EXOC4: variants seen among roughly 807,000 people sequenced by gnomAD.
EXOC4 encodes SEC8-like 1.
In EXOC4, 71 loss-of-function variants were observed where a neutral mutation model predicts 107.2. That is an observed-to-expected ratio of 0.66 (90% CI 0.55 to 0.81). The LOEUF (loss-of-function observed/expected upper bound fraction) is 0.81. Ranked by LOEUF, EXOC4 falls within the 30% of genes least tolerant of loss-of-function variation. The pLI is 0.00. For missense variants in EXOC4, 1,108 were observed against 1,189.6 expected, an observed-to-expected ratio of 0.93 and a Z score of 1.01; for synonymous variants, 456 against 441.2, an observed-to-expected ratio of 1.03 and a Z score of -0.42.
intron 11 of EXOC4, among the ~76,000 whole-genome samples, chr7:133,866,628 AATTT>A (rs1798646237): frequency 6.6e-6 from 1 of 152,154 alleles, no homozygotes; most frequent in African/African-American, 2.4e-5. Context: ...AGTACCTTTT[AATTT>A]ATTTATCTAC....
intron 3 of EXOC4, among the ~76,000 whole-genome samples, chr7:133,293,544 A>G (rs1794453380): frequency 6.6e-6 from 1 of 152,224 alleles, no homozygotes; most frequent in Non-Finnish European, 1.5e-5. Flanking sequence ...ATCCCTACTC[A>G]GAATAGATTA....
At chr7:134,027,690 C>CT (rs1317476526) in intron 17 of EXOC4, among the ~76,000 whole-genome samples, 1 of 148,734 alleles carries the variant, frequency 6.7e-6, no homozygotes, top group Non-Finnish European at 1.5e-5. Flanking sequence ...GCTGAGCTGA[C>CT]TTTGTAGTTC....
In EXOC4 at chr7:133,995,419, T is replaced by C. The variant is rs117209692; in HGVS notation, c.2207-2073T>C. On this transcript the variant is annotated intron_variant, in intron 14 of 17. Coordinates refer to ENST00000253861, the MANE Select transcript of EXOC4 (RefSeq NM_021807.4). ...CCATGCTACAGTCACTATCACCCAA[T>C]AGAGGAACTGAAGGGCTGAAAAGCC... 9.2e-3 allele frequency among the ~76,000 whole-genome samples: 1,394 copies of C among 152,276 alleles called. 6 individuals carry two copies. The highest frequency in any genetic ancestry group is 0.017 in the Middle Eastern group (5 of 294).
chr7:133,971,165 C>G (rs866886351), intron 14 of EXOC4, among the ~76,000 whole-genome samples: 87 of 151,600 alleles, frequency 5.7e-4, no homozygotes, highest in Middle Eastern at 6.8e-3. Context: ...AGAACCTTGG[C>G]AAATGGAGGA....
intron 9 of EXOC4, among the ~76,000 whole-genome samples, chr7:133,570,192 T>C (rs1285780591): frequency 6.6e-6 from 1 of 152,196 alleles, no homozygotes; most frequent in South Asian, 2.1e-4. Context: ...GATGACCTCA[T>C]GCATTTAGAG....
intron 14 of EXOC4, among the ~76,000 whole-genome samples, chr7:133,951,723 A>G (rs887959883): frequency 6.6e-6 from 1 of 152,230 alleles, no homozygotes; most frequent in South Asian, 2.1e-4. Flanking sequence ...CAAAATCCAC[A>G]TGGCTTGGGA....
chr7:133,771,556 T>G (rs970826910), intron 10 of EXOC4: 22 of 152,052 alleles, frequency 1.4e-4, no homozygotes, highest in African/African-American at 5.3e-4. Flanking sequence ...TTCTTTGTTC[T>G]AATTAATAGG....
rs758133653 is a variant in EXOC4 at position 133,817,475 on chromosome 7, T to G, written c.1665T>G (p.Ser555=). The G allele has an allele frequency of 1.9e-6, 3 of 1,614,192 alleles. No homozygotes were observed. In the South Asian group the frequency reaches 3.3e-5, roughly 18 times the overall value. The change falls in exon 11 of 18, where the codon TCT becomes TCG. Residue 555 remains serine (S), a synonymous_variant. Transcript: ENST00000253861. ...AGATTGAAGGAGTCACTAAAACATC[T>G]GACCCTTTGAAGATTCTGGCCAACG... ...NKEIEGVTKT[S]DPLKILANAD...
chr7:133,261,881 GT>G (rs1417928292), intron 1 of EXOC4, among the ~76,000 whole-genome samples: 1 of 152,026 alleles, frequency 6.6e-6, no homozygotes, highest in Non-Finnish European at 1.5e-5. Context: ...ATCCTTTCAG[GT>G]TGTTATTTTC....
chr7:133,322,017 C>A (rs1456450518), intron 5 of EXOC4, among the ~76,000 whole-genome samples: 2 of 152,168 alleles, frequency 1.3e-5, no homozygotes, highest in Admixed American at 1.3e-4. Context: ...TAAATGTCTT[C>A]TTTTGAGAAG....
downstream of EXOC4, among the ~76,000 whole-genome samples, chr7:134,068,340 T>C (rs2116658050): frequency 6.6e-6 from 1 of 152,276 alleles, no homozygotes; most frequent in African/African-American, 2.4e-5. Flanking sequence ...GGGTGAGTTT[T>C]TCCAGTGCTG....
chr7:133,706,289 A>G (rs540029249), intron 10 of EXOC4, among the ~76,000 whole-genome samples: 19 of 152,244 alleles, frequency 1.2e-4, no homozygotes, highest in Non-Finnish European at 2.2e-4. Context: ...AGTAATTTCC[A>G]GCATACTACT....
intron 10 of EXOC4, among the ~76,000 whole-genome samples, chr7:133,738,509 T>G (rs1370936298): frequency 6.6e-6 from 1 of 152,224 alleles, no homozygotes; most frequent in Non-Finnish European, 1.5e-5. Context: ...GATAACTTCT[T>G]ACTCTTTGAG....
At chr7:133,873,204 AG>A (rs1215310062) in intron 11 of EXOC4, among the ~76,000 whole-genome samples, 1 of 152,216 alleles carries the variant, frequency 6.6e-6, no homozygotes, top group African/African-American at 2.4e-5. Flanking sequence ...ACTCTGGCCT[AG>A]GTGGCAGAGT....
intron 10 of EXOC4, among the ~76,000 whole-genome samples, chr7:133,737,909 CTTTTTTTTT>C (rs10673346): frequency 2.2e-5 from 2 of 89,328 alleles, no homozygotes; most frequent in African/African-American, 4.3e-5. Context: ...ATTTTTCTTT[CTTTTTTTTT>C]TTTTTTTTTT....
intron 7 of EXOC4, among the ~76,000 whole-genome samples, chr7:133,376,977 A>G (rs868838339): frequency 8.5e-5 from 13 of 152,268 alleles, no homozygotes; most frequent in South Asian, 2.1e-4. Flanking sequence ...AATGTCTAGC[A>G]TAGAATTATT....
intron 7 of EXOC4, among the ~76,000 whole-genome samples, chr7:133,465,368 A>C (rs1228772825): frequency 6.6e-6 from 1 of 152,228 alleles, no homozygotes; most frequent in East Asian, 1.9e-4. Flanking sequence ...ATAACAAACT[A>C]TCAGAATACC....
intron 3 of EXOC4, among the ~76,000 whole-genome samples, chr7:133,296,193 A>G (rs992524906): frequency 6.6e-6 from 1 of 152,182 alleles, no homozygotes; most frequent in Non-Finnish European, 1.5e-5. Context: ...GCCATTGTTG[A>G]TAACTTCTGT....
intron 10 of EXOC4, among the ~76,000 whole-genome samples, chr7:133,695,100 G>A (rs1006099278): frequency 6.6e-6 from 1 of 152,130 alleles, no homozygotes; most frequent in Non-Finnish European, 1.5e-5. Context: ...GGAGTTACAG[G>A]TGTGAGCCAC....
Sources: gnomAD v4.1 joint callset for allele counts (sites outside exome capture counted in the v4.1 genomes callset) on GRCh38, gnomAD v4.1.1 for gene constraint, MANE v1.5 for transcripts, NCBI Gene and HGNC (gene_info 2026-07-23, HGNC 2026-07-21) for gene names.